Variants in RBMS3 observed in about 807,000 individuals in gnomAD.
The protein encoded by RBMS3 is RNA binding motif single stranded interacting protein 3.
RBMS3 carries 27 observed loss-of-function variants against 66.8 expected under a neutral mutation model. The observed-to-expected ratio is 0.40, with a 90% CI of 0.30 to 0.56. The LOEUF (loss-of-function observed/expected upper bound fraction) is 0.56, where lower values mean the gene tolerates loss of function less well. Among genes scored for constraint, RBMS3 ranks in the 20% least tolerant of loss-of-function variants. The pLI is 0.40. For synonymous variants in RBMS3, 188 were observed against 183.0 expected, an observed-to-expected ratio of 1.03 and a Z score of -0.22; for missense variants, 513 against 549.5, an observed-to-expected ratio of 0.93 and a Z score of 0.66.
chr3:29,390,722 C>T (rs1441105782), intron 1 of RBMS3: 1 of 152,444 alleles, frequency 6.6e-6, no homozygotes, highest in Non-Finnish European at 1.5e-5. Flanking sequence ...CCTGATTAGC[C>T]ATTTGAGTTT....
chr3:29,466,465 A>G (rs1402994876), intron 2 of RBMS3, among the ~76,000 whole-genome samples: 1 of 151,712 alleles, frequency 6.6e-6, no homozygotes, highest in African/African-American at 2.4e-5. Context: ...AATATTTAAG[A>G]TTTTTTTTTA....
At chr3:29,552,043 C>T (rs2046197587) in intron 3 of RBMS3, among the ~76,000 whole-genome samples, 1 of 151,968 alleles carries the variant, frequency 6.6e-6, no homozygotes, top group Non-Finnish European at 1.5e-5. Context: ...AAATTTACTT[C>T]AAGATTAAAT....
At chr3:29,904,237 G>C (rs2060322389) in intron 10 of RBMS3, among the ~76,000 whole-genome samples, 1 of 151,908 alleles carries the variant, frequency 6.6e-6, no homozygotes, top group South Asian at 2.1e-4. Flanking sequence ...GAAGTGTATA[G>C]AGTATAAAAG....
chr3:29,284,292 T>C (rs1157825266), intron 1 of RBMS3, among the ~76,000 whole-genome samples: 1 of 152,072 alleles, frequency 6.6e-6, no homozygotes, highest in Non-Finnish European at 1.5e-5. Flanking sequence ...TGATAACATA[T>C]CTTAAATTTT....
At chr3:29,372,644 C>T (rs1239584074) in intron 1 of RBMS3, among the ~76,000 whole-genome samples, 2 of 151,600 alleles carry the variant, frequency 1.3e-5, no homozygotes, top group Non-Finnish European at 2.9e-5. Context: ...TTTTTTGTTC[C>T]TCTCTCTCAA....
At chr3:29,504,991 C>T (rs2044127069) in intron 3 of RBMS3, among the ~76,000 whole-genome samples, 1 of 152,024 alleles carries the variant, frequency 6.6e-6, no homozygotes, top group Non-Finnish European at 1.5e-5. Flanking sequence ...GCAAATACTT[C>T]CTCCCGTATC....
In RBMS3 at chr3:29,497,973, A is replaced by ATTTTTT. The variant is rs779555263; in HGVS notation, c.307+9506_307+9511dup. Among the ~76,000 whole-genome samples, 274 of 43,434 alleles carry ATTTTTT rather than the reference A, an allele frequency of 6.3e-3. 49 individuals are homozygous for ATTTTTT. Among genetic ancestry groups the ATTTTTT allele is most frequent in the Non-Finnish European group, 7.3e-3 (177 of 24,406 alleles). 28.5% of individuals were successfully genotyped at this position (43,434 alleles called of 152,430 possible). ...TCAGAGTTATTCTCTAAAAGTATTC[A>ATTTTTT]TTTTTTTTTTTTTTTTTTTTTTTTT... On this transcript the variant is annotated intron_variant, in intron 3 of 14. Transcript: ENST00000383767.
chr3:29,908,018 C>G (rs1410676853), intron 10 of RBMS3, among the ~76,000 whole-genome samples: 1 of 151,990 alleles, frequency 6.6e-6, no homozygotes, highest in Non-Finnish European at 1.5e-5. Flanking sequence ...GAGGCCAAGG[C>G]AGGCAGATTG....
chr3:29,782,732 T>C (rs1397596358), intron 6 of RBMS3, among the ~76,000 whole-genome samples: 1 of 152,108 alleles, frequency 6.6e-6, no homozygotes, highest in African/African-American at 2.4e-5. Flanking sequence ...ATTAAGCTAA[T>C]CAAGGAGGCA....
chr3:29,441,295 T>C (rs920368040), intron 2 of RBMS3, among the ~76,000 whole-genome samples: 2 of 152,190 alleles, frequency 1.3e-5, no homozygotes, highest in Admixed American at 1.3e-4. Context: ...AAAATTATGT[T>C]TGCCAAGCAT....
At chr3:29,335,330 G>T (rs1575566248) in intron 1 of RBMS3, among the ~76,000 whole-genome samples, 2 of 152,172 alleles carry the variant, frequency 1.3e-5, no homozygotes, top group South Asian at 4.2e-4. Context: ...AGAATTGCCT[G>T]GTATGTGCCC....
Position 29,527,124 on chromosome 3 carries a change from T to C in RBMS3, c.307+38625T>C, listed in dbSNP as rs1305092865. Among the ~76,000 whole-genome samples the C allele has an allele frequency of 2.2e-5, 3 of 138,720 alleles. No individual in the cohort carries two copies. The Admixed American group carries it at 2.4e-4, about 11-fold the overall frequency. The allele number at this position is 138,720 out of a possible 152,430, so 91.0% of individuals were successfully genotyped here. A position where few individuals can be genotyped will look rare whatever the true frequency, so the allele number is the denominator to read the frequency against. ...TCTCTTGGTGTCTACCAGGCCATGA[T>C]ATCTAGGAGGACCCAACGAGTGACA... On this transcript the variant is annotated intron_variant, in intron 3 of 14. Transcript: ENST00000383767.
At chr3:29,727,399 C>A (rs2149330397) in intron 4 of RBMS3, among the ~76,000 whole-genome samples, 1 of 152,074 alleles carries the variant, frequency 6.6e-6, no homozygotes. Flanking sequence ...TTCTGCACAG[C>A]AAAAGAAACT....
At chr3:29,453,181 T>A (rs923130747) in intron 2 of RBMS3, among the ~76,000 whole-genome samples, 5 of 152,192 alleles carry the variant, frequency 3.3e-5, no homozygotes, top group Non-Finnish European at 7.3e-5. Context: ...AATGTTTGAC[T>A]TTGAACTCAT....
intron 3 of RBMS3, among the ~76,000 whole-genome samples, chr3:29,540,930 T>C (rs1040397101): frequency 2.0e-5 from 3 of 152,290 alleles, no homozygotes; most frequent in East Asian, 3.9e-4. Flanking sequence ...TTTCGGGAAG[T>C]GTTTCCCTAC....
chr3:29,283,159 C>T (rs953141883), intron 1 of RBMS3, among the ~76,000 whole-genome samples: 1 of 152,058 alleles, frequency 6.6e-6, no homozygotes, highest in Admixed American at 6.6e-5. Flanking sequence ...AATTTACAGT[C>T]ATTTCTCATG....
intron 6 of RBMS3, among the ~76,000 whole-genome samples, chr3:29,810,288 T>A (rs1244495249): frequency 2.0e-5 from 3 of 152,110 alleles, no homozygotes. Context: ...TCTCCAGTTA[T>A]AAATTTTTAT....
intron 6 of RBMS3, among the ~76,000 whole-genome samples, chr3:29,814,025 G>A (rs1238648645): frequency 2.0e-5 from 3 of 151,890 alleles, no homozygotes; most frequent in South Asian, 2.1e-4. Context: ...ATGTTGAATA[G>A]GAGTGGTGAG....
chr3:29,371,161 A>T (rs1345812909), intron 1 of RBMS3, among the ~76,000 whole-genome samples: 1 of 152,228 alleles, frequency 6.6e-6, no homozygotes, highest in Non-Finnish European at 1.5e-5. Context: ...GTCTTCTCTG[A>T]CAAAGCTGTT....
Sources: allele counts gnomAD v4.1 joint callset (sites outside exome capture counted in the v4.1 genomes callset), GRCh38; gene constraint gnomAD v4.1.1; transcripts MANE v1.5; gene names NCBI Gene and HGNC (gene_info 2026-07-23, HGNC 2026-07-21).